PIP4K2A: variants seen among roughly 807,000 people sequenced by gnomAD.
PIP4K2A encodes phosphatidylinositol-5-phosphate 4-kinase type 2 alpha.
PIP4K2A carries 14 observed loss-of-function variants against 42.9 expected under a neutral mutation model. The observed-to-expected ratio is 0.33, with a 90% confidence interval of 0.22 to 0.51. The LOEUF (loss-of-function observed/expected upper bound fraction) is 0.51, where lower values mean the gene tolerates loss of function less well. Ranked by LOEUF, PIP4K2A falls within the 20% of genes least tolerant of loss-of-function variation. The pLI is 0.97. For missense variants in PIP4K2A, 434 were observed against 519.8 expected, an observed-to-expected ratio of 0.83 and a Z score of 1.61; for synonymous variants, 192 against 192.2, an observed-to-expected ratio of 1.00 and a Z score of 0.01.
chr10:22,646,554 T>C (rs566354957), intron 1 of PIP4K2A, among the ~76,000 whole-genome samples: 1 of 152,156 alleles, frequency 6.6e-6, no homozygotes, highest in Non-Finnish European at 1.5e-5. Context: ...CTAGTATGGA[T>C]GGCAAAAAAA....
intron 1 of PIP4K2A, among the ~76,000 whole-genome samples, chr10:22,673,698 T>C (rs995695736): frequency 2.6e-5 from 4 of 152,012 alleles, no homozygotes; most frequent in Non-Finnish European, 4.4e-5. Flanking sequence ...GACTATTACA[T>C]AATAGGAAGA....
chr10:22,568,451 A>G (rs978444768), intron 5 of PIP4K2A, among the ~76,000 whole-genome samples: 8 of 152,140 alleles, frequency 5.3e-5, no homozygotes, highest in African/African-American at 1.9e-4. Flanking sequence ...GCTATACATC[A>G]GTCCCCCACA....
intron 4 of PIP4K2A, among the ~76,000 whole-genome samples, chr10:22,586,571 C>T (rs1337152034): frequency 1.3e-5 from 2 of 152,120 alleles, no homozygotes; most frequent in African/African-American, 4.8e-5. Context: ...CGTTCTGTTA[C>T]CCAGGCTGGA....
intron 3 of PIP4K2A, among the ~76,000 whole-genome samples, chr10:22,595,856 T>G (rs1274319536): frequency 3.9e-5 from 6 of 152,046 alleles, no homozygotes; most frequent in Non-Finnish European, 8.8e-5. Context: ...AAAATAAGCT[T>G]GGGGAGAGAA....
chr10:22,591,991 T>A (rs776932177), intron 3 of PIP4K2A, among the ~76,000 whole-genome samples: 4 of 152,258 alleles, frequency 2.6e-5, no homozygotes, highest in Non-Finnish European at 4.4e-5. Flanking sequence ...GCTTGAATTG[T>A]ACTATGATTC....
chr10:22,555,356 G>A (rs993912095), intron 6 of PIP4K2A, among the ~76,000 whole-genome samples: 5 of 152,346 alleles, frequency 3.3e-5, no homozygotes, highest in African/African-American at 1.2e-4. Context: ...AGGGTTGCAT[G>A]AGTTCACACA....
intron 4 of PIP4K2A, among the ~76,000 whole-genome samples, chr10:22,590,517 A>G (rs1220870289): frequency 6.6e-6 from 1 of 152,186 alleles, no homozygotes; most frequent in Non-Finnish European, 1.5e-5. Context: ...TAATCTTTAG[A>G]ATCCATATTA....
At position 22,605,032 on chromosome 10, in the gene PIP4K2A, C is replaced by A. The variant is rs551946889; in HGVS notation, c.339+2895G>T. ...AAGTAGCCAAAAGACTGGGATACAGCCCCAGATTTACGATCCTGTTTTCAG... is the reference window on the plus strand; with the variant it reads ...AAGTAGCCAAAAGACTGGGATACAGACCCAGATTTACGATCCTGTTTTCAG... On this transcript the variant is annotated intron_variant, in intron 3 of 9. Transcript: ENST00000376573. Among the ~76,000 whole-genome samples the A allele has an allele frequency of 2.3e-4, 35 of 152,270 alleles. No individual in the cohort carries two copies. The South Asian group carries it at 6.4e-3, about 28-fold the overall frequency.
At chr10:22,567,469 T>C (rs1215902648) in intron 6 of PIP4K2A, 6 of 421,672 alleles carry the variant, frequency 1.4e-5, no homozygotes, top group Non-Finnish European at 4.5e-6. Flanking sequence ...GTATTCAGGG[T>C]CACATTCGGT....
chr10:22,564,644 G>A (rs1007115886), intron 6 of PIP4K2A, among the ~76,000 whole-genome samples: 9 of 152,232 alleles, frequency 5.9e-5, no homozygotes, highest in African/African-American at 2.2e-4. Flanking sequence ...CATGGAAGTC[G>A]ACAGTCACTG....
chr10:22,637,299 G>C (rs547109859), intron 1 of PIP4K2A, among the ~76,000 whole-genome samples: 5 of 152,056 alleles, frequency 3.3e-5, no homozygotes, highest in Non-Finnish European at 5.9e-5. Context: ...CATCCATAAC[G>C]ATCTAAGATA....
At chr10:22,627,312 A>T (rs1370203126) in intron 1 of PIP4K2A, among the ~76,000 whole-genome samples, 1 of 152,022 alleles carries the variant, frequency 6.6e-6, no homozygotes, top group Non-Finnish European at 1.5e-5. Flanking sequence ...ATCAAGATAA[A>T]ATGCAGACTG....
intron 1 of PIP4K2A, among the ~76,000 whole-genome samples, chr10:22,697,449 C>T (rs1479619545): frequency 6.6e-6 from 1 of 152,180 alleles, no homozygotes; most frequent in Non-Finnish European, 1.5e-5. Flanking sequence ...GGTGTGGTGG[C>T]TCATGTCTGA....
In PIP4K2A at chr10:22,542,035, G is replaced by C. The variant is rs766580580; in HGVS notation, c.805C>G (p.Leu269Val). The C allele has an allele frequency of 1.2e-6, 2 of 1,608,578 alleles. No individual in the cohort carries two copies. Among genetic ancestry groups the C allele is most frequent in the South Asian group, 2.2e-5 (2 of 90,160 alleles). The change falls in exon 8 of 10, where the codon CTG (leucine) becomes GTG (valine). Residue 269 changes from leucine to valine, a missense_variant. Coordinates refer to ENST00000376573, the MANE Select transcript of PIP4K2A (RefSeq NM_005028.5). ...AGCAGACTGTAGTCCATGAGCTTCA[G>C]CTGGGCCAGAAACTGGGGACAGAGG... ...LKKDVEFLAQ[L>V]KLMDYSLLVG...
chr10:22,558,383 G>A (rs1267654776), intron 6 of PIP4K2A, among the ~76,000 whole-genome samples: 1 of 152,196 alleles, frequency 6.6e-6, no homozygotes, highest in Non-Finnish European at 1.5e-5. Context: ...TTATGTTGGA[G>A]CTAGGATAAA....
At chr10:22,711,795 G>T (rs1430046699) in intron 1 of PIP4K2A, among the ~76,000 whole-genome samples, 1 of 152,136 alleles carries the variant, frequency 6.6e-6, no homozygotes. Flanking sequence ...ATCAGACATT[G>T]TCACCTAAAA....
chr10:22,659,386 A>G (rs34208652), intron 1 of PIP4K2A, among the ~76,000 whole-genome samples: 28,048 of 152,196 alleles, frequency 0.18, 3,297 homozygotes, highest in Non-Finnish European at 0.27. Context: ...CCTGAGCAGG[A>G]GTTTGAGACC....
At chr10:22,671,438 G>A (rs1036020765) in intron 1 of PIP4K2A, among the ~76,000 whole-genome samples, 3 of 152,118 alleles carry the variant, frequency 2.0e-5, no homozygotes, top group Admixed American at 6.6e-5. Context: ...TGCCTAAACC[G>A]TTTCACTGAA....
At chr10:22,696,478 T>C (rs1238323435) in intron 1 of PIP4K2A, among the ~76,000 whole-genome samples, 1 of 152,178 alleles carries the variant, frequency 6.6e-6, no homozygotes, top group East Asian at 1.9e-4. Flanking sequence ...TGTTTTGAAA[T>C]AGCCTTTGGC....
Sources: allele counts gnomAD v4.1 joint callset (sites outside exome capture counted in the v4.1 genomes callset), GRCh38; gene constraint gnomAD v4.1.1; transcripts MANE v1.5; gene names NCBI Gene and HGNC (gene_info 2026-07-23, HGNC 2026-07-21).